Variants in QRICH1 observed in about 807,000 individuals in gnomAD.
QRICH1 encodes the protein glutamine rich 1, also known as transcriptional regulator QRICH1.
A neutral mutation model predicts 87.1 loss-of-function variants in QRICH1; 16 were observed. That is an observed-to-expected ratio of 0.18 (90% confidence interval 0.12 to 0.28). QRICH1 has a LOEUF of 0.28. QRICH1 is among the 10% of genes least tolerant of loss of function. The probability of loss-of-function intolerance (pLI) is 1.00; values close to 1 mark genes in which losing one functional copy is unlikely to be tolerated. For synonymous variants in QRICH1, 367 were observed against 368.4 expected (o/e 1.00, Z 0.05); for missense variants, 647 against 951.7 (o/e 0.68, Z 4.21).
chr3:49,069,534 TG>T (rs1253065236), intron 2 of QRICH1, among the ~76,000 whole-genome samples: 3 of 136,404 alleles, frequency 2.2e-5, no homozygotes, highest in Non-Finnish European at 3.1e-5. Flanking sequence ...TACAGATCCA[TG>T]GGGGGGAATT....
At chr3:49,068,034 A>T (rs575895601) in intron 2 of QRICH1, among the ~76,000 whole-genome samples, 105 of 152,126 alleles carry the variant, frequency 6.9e-4, no homozygotes, top group Admixed American at 3.9e-3. Flanking sequence ...CACCTTTTTT[A>T]AAAAAAAGTA....
intron 2 of QRICH1, among the ~76,000 whole-genome samples, chr3:49,069,108 T>TTATTA (rs1553745570): frequency 4.4e-4 from 27 of 61,110 alleles, no homozygotes; most frequent in African/African-American, 2.9e-3. Flanking sequence ...ATTATTATTA[T>TTATTA]TTTTTTTTTT....
At position 49,029,800 on chromosome 3, in the gene QRICH1, A is replaced by ATGTT. The variant is rs758212740; in HGVS notation, c.*648_*651dup. ...GTATCTTTATATGATACACAAGTGT[A>ATGTT]TGTTACAAGAATTCCATCAGGCACA... is the stretch of plus-strand genomic sequence containing the variant. On this transcript the variant is annotated 3_prime_UTR_variant, in exon 10 of 10. Coordinates refer to ENST00000395443, the MANE Select transcript of QRICH1 (RefSeq NM_198880.3). The ATGTT allele has an allele frequency of 5.7e-5, 11 of 192,998 alleles. No individual in the cohort carries two copies. Among genetic ancestry groups the ATGTT allele is most frequent in the Non-Finnish European group, 1.1e-4 (10 of 90,638 alleles). 12.0% of individuals were successfully genotyped at this position (192,998 alleles called of 1,614,324 possible).
chr3:49,087,837 A>AAAAAAAAAAAAAAAAAAAAAAAAC (rs1283148564), intron 1 of QRICH1, among the ~76,000 whole-genome samples: 1 of 149,512 alleles, frequency 6.7e-6, no homozygotes, highest in African/African-American at 2.4e-5. Flanking sequence ...AAAAAAAAAA[A>AAAAAAAAAAAAAAAAAAAAAAAAC]AAGAACAATG....
chr3:49,058,334 CTTTT>C (rs1286612086), intron 2 of QRICH1, among the ~76,000 whole-genome samples: 10 of 141,736 alleles, frequency 7.1e-5, no homozygotes, highest in African/African-American at 2.1e-4. Flanking sequence ...AACTTTGGTT[CTTTT>C]TTTTTTTCCC....
chr3:49,042,515 T>C (rs1051584237), intron 6 of QRICH1, among the ~76,000 whole-genome samples: 29 of 151,902 alleles, frequency 1.9e-4, no homozygotes, highest in African/African-American at 6.3e-4. Context: ...ACTGTGAAGA[T>C]AGTAAAAACA....
intron 2 of QRICH1, among the ~76,000 whole-genome samples, chr3:49,068,568 C>T (rs1196089014): frequency 4.0e-5 from 6 of 150,768 alleles, no homozygotes; most frequent in Admixed American, 2.7e-4. Context: ...CAGACTGCAG[C>T]GAGCCGTGAT....
intron 2 of QRICH1, among the ~76,000 whole-genome samples, chr3:49,071,336 G>A (rs966528255): frequency 5.9e-5 from 9 of 151,866 alleles, no homozygotes; most frequent in African/African-American, 1.5e-4. Context: ...ATGAACCACC[G>A]CACCCAGCCC....
chr3:49,078,070 A>C (rs2041985988), intron 1 of QRICH1, among the ~76,000 whole-genome samples: 1 of 152,208 alleles, frequency 6.6e-6, no homozygotes, highest in South Asian at 2.1e-4. Flanking sequence ...GAACAAAAGT[A>C]GCAGCAGGAT....
intron 6 of QRICH1, among the ~76,000 whole-genome samples, chr3:49,037,361 CTG>C (rs1205551993): frequency 6.6e-6 from 1 of 152,190 alleles, no homozygotes; most frequent in Non-Finnish European, 1.5e-5. Flanking sequence ...AAAAATTAGA[CTG>C]TGTGACAATT....
At chr3:49,047,010 C>A in intron 4 of QRICH1, 59 bp downstream of exon 4, 2 of 1,549,944 alleles carry the variant, frequency 1.3e-6, no homozygotes, top group Admixed American at 1.9e-5. Flanking sequence ...TTTTGTCCTC[C>A]TGTTACTTTA....
intron 9 of QRICH1, among the ~76,000 whole-genome samples, chr3:49,031,728 TCC>T (rs2093241513): frequency 1.3e-5 from 2 of 152,102 alleles, no homozygotes; most frequent in Non-Finnish European, 2.9e-5. Flanking sequence ...AACTAAGAGC[TCC>T]ACAGACATGA....
chr3:49,046,051 G>A (rs1283522459), intron 5 of QRICH1, among the ~76,000 whole-genome samples: 8 of 151,792 alleles, frequency 5.3e-5, no homozygotes, highest in African/African-American at 1.9e-4. Context: ...AAATAGCAGG[G>A]ATTATAGGCA....
intron 3 of QRICH1, among the ~76,000 whole-genome samples, chr3:49,047,789 T>C (rs1244334417): frequency 6.6e-6 from 1 of 152,020 alleles, no homozygotes; most frequent in Admixed American, 6.6e-5. Context: ...GGTCAAATCT[T>C]TTATTTAAAA....
At chr3:49,080,332 AT>A (rs1010078799) in intron 1 of QRICH1, among the ~76,000 whole-genome samples, 87 of 150,330 alleles carry the variant, frequency 5.8e-4, no homozygotes, top group African/African-American at 1.8e-3. Context: ...ATAAAAAGCA[AT>A]TTTTTTTTTA....
rs779064096 is a variant in QRICH1 at position 49,057,789 on chromosome 3, C to A, written c.411G>T (p.Val137=). The A allele has an allele frequency of 1.2e-6, 2 of 1,614,122 alleles. No individual in the cohort carries two copies. The highest frequency in any genetic ancestry group is 1.7e-6 in the Non-Finnish European group (2 of 1,180,036). ...QPTEQPIQVQ[V]QIQGQAPQSA... Reference sequence around the variant, plus strand: ...ACTGTGGTGCCTGGCCTTGGATCTGCACCTGGACCTGGATGGGTTGCTCAG... The same window carrying A: ...ACTGTGGTGCCTGGCCTTGGATCTGAACCTGGACCTGGATGGGTTGCTCAG... Residue 137 remains valine (V), a synonymous_variant, in exon 3 of 10, where the codon GTG becomes GTT. Coordinates refer to ENST00000395443, the MANE Select transcript of QRICH1 (RefSeq NM_198880.3). This position sits in a 1 kb window ranked among gnomAD's most constrained non-coding sequence, Gnocchi z 5.4.
chr3:49,041,126 C>G (rs945607628), intron 6 of QRICH1, among the ~76,000 whole-genome samples: 1 of 151,976 alleles, frequency 6.6e-6, no homozygotes, highest in Non-Finnish European at 1.5e-5. Flanking sequence ...TGCCACCACA[C>G]GCAGCTAATT....
intron 6 of QRICH1, among the ~76,000 whole-genome samples, chr3:49,043,034 A>G (rs1198933302): frequency 1.3e-5 from 2 of 152,228 alleles, no homozygotes; most frequent in Admixed American, 6.5e-5. Context: ...AACTATAGTT[A>G]ACAATAATGT....
chr3:49,069,566 G>C (rs1467580863), intron 2 of QRICH1, among the ~76,000 whole-genome samples: 1 of 27,676 alleles, frequency 3.6e-5, no homozygotes, highest in Non-Finnish European at 6.9e-5. Context: ...TTTTTTTTTT[G>C]AGATAAAGTA....
Sources: allele counts gnomAD v4.1 joint callset (sites outside exome capture counted in the v4.1 genomes callset), GRCh38; gene constraint gnomAD v4.1.1; non-coding constraint Gnocchi (gnomAD v3.1); transcripts MANE v1.5; gene names NCBI Gene and HGNC (gene_info 2026-07-23, HGNC 2026-07-21).